NEK2: variants seen among roughly 807,000 people sequenced by gnomAD.
The protein encoded by NEK2 is serine/threonine-protein kinase Nek2.
Under a neutral mutation model 54.1 loss-of-function variants are expected in NEK2, and 28 were observed. The observed-to-expected ratio is 0.52, with a 90% CI of 0.38 to 0.71. The LOEUF (loss-of-function observed/expected upper bound fraction) is 0.71. Among genes scored for constraint, NEK2 ranks in the 30% least tolerant of loss-of-function variants. The pLI is 0.00. For missense variants in NEK2, 407 were observed against 531.5 expected (o/e 0.77, Z 2.30); for synonymous variants, 176 against 193.1 (o/e 0.91, Z 0.73).
In NEK2 at chr1:211,667,174, GCTC is replaced by G; in HGVS notation, c.1040_1042del (p.Arg347_Ala348delinsThr). 1 of 1,613,504 alleles carries G rather than the reference GCTC, an allele frequency of 6.2e-7. No individual in the cohort carries two copies. The highest frequency in any genetic ancestry group is 8.5e-7 in the Non-Finnish European group (1 of 1,179,712). On this transcript the variant is annotated inframe_deletion, in exon 7 of 8. Transcript: ENST00000366999. ...GCTGTAGTTCTTCAACAGATTTTCT[GCTC>G]TAGCCAGTTTGTCCTCTGCTAGTCT...
At chr1:211,661,074 G>C (rs1481262792), downstream of NEK2, 1 of 742,644 alleles carries the variant, frequency 1.3e-6, no homozygotes, top group African/African-American at 1.7e-5. Context: ...GTCAAACCCC[G>C]GTGATAACTT....
At position 211,663,476 on chromosome 1, in the gene NEK2, T is replaced by C. The variant is rs765172198; in HGVS notation, c.1288A>G (p.Ile430Val). ...AQLRAQALSD[I>V]EKNYQLKSRQ... ...CTTTTCAGTTGGTAATTTTTCTCAATATCTGACAGGGCTTGAGCCCGCAGC... is the reference window on the plus strand; with the variant it reads ...CTTTTCAGTTGGTAATTTTTCTCAACATCTGACAGGGCTTGAGCCCGCAGC... The change falls in exon 8 of 8, where the codon ATT (isoleucine) becomes GTT (valine). Residue 430 changes from isoleucine (I) to valine (V), a missense_variant. Physicochemically the swap from Ile to Val is conservative, Grantham distance 29 (BLOSUM62 3). Coordinates refer to ENST00000366999, the MANE Select transcript of NEK2 (RefSeq NM_002497.4). 6.2e-7 allele frequency: 1 copy of C among 1,613,930 alleles called. No homozygotes were observed.
Position 211,675,561 on chromosome 1 carries a change from G to T in NEK2, c.-82C>A. ...AGCTCCAGGGACCAGGAACTCCAGG[G>T]ACCTGGATGGAGAAGCCCCCGAGCA... On this transcript the variant is annotated 5_prime_UTR_variant, in exon 1 of 8. Coordinates refer to ENST00000366999, the MANE Select transcript of NEK2 (RefSeq NM_002497.4). 5 of 1,163,896 alleles carry T rather than the reference G, an allele frequency of 4.3e-6. No homozygotes were observed. The highest frequency in any genetic ancestry group is 6.4e-6 in the Non-Finnish European group (5 of 782,336). The allele number at this position is 1,163,896 out of a possible 1,614,324, so 72.1% of individuals were successfully genotyped here. A position where few individuals can be genotyped will look rare whatever the true frequency, so the allele number is the denominator to read the frequency against.
chr1:211,658,866 A>C (rs1278296189), downstream of NEK2, among the ~76,000 whole-genome samples: 2 of 152,148 alleles, frequency 1.3e-5, no homozygotes, highest in African/African-American at 4.8e-5. Context: ...TAACAACCTA[A>C]GATTCTTTTG....
At chr1:211,668,984 C>T (rs1044682897) in intron 6 of NEK2, 129 bp downstream of exon 6, 1 of 906,688 alleles carries the variant, frequency 1.1e-6, no homozygotes, top group Middle Eastern at 2.3e-4. Context: ...ATTTTGGTTT[C>T]TCAAGTATTT....
downstream of NEK2, among the ~76,000 whole-genome samples, chr1:211,660,030 C>T (rs147702557): frequency 3.5e-3 from 535 of 152,268 alleles, 20 homozygotes; most frequent in East Asian, 0.088. Flanking sequence ...ACTACATTGC[C>T]CAGGCTGTTA....
chr1:211,670,368 C>T lies in NEK2; in HGVS notation c.678G>A (p.Gly226=). The stretch of plus-strand genomic sequence containing the variant: ...GCCTGAATTTGCCTTCTCTGATTTT[C>T]CCAGCGAGTTCTTTCTGGCTAAAAG... The part of the protein sequence containing the change: ...FTAFSQKELA[G]KIREGKFRRI... The change falls in exon 5 of 8, where the codon GGG becomes GGA. Residue 226 remains glycine, a synonymous_variant. Transcript: ENST00000366999. The T allele has an allele frequency of 6.2e-7, 1 of 1,613,696 alleles. No homozygotes were observed. Among genetic ancestry groups the T allele is most frequent in the Non-Finnish European group, 8.5e-7 (1 of 1,179,742 alleles).
rs200328943 is a variant in NEK2, at chr1:211,675,374, C to T, written c.96+10G>A. The T allele has an allele frequency of 6.4e-5, 104 of 1,612,642 alleles. 1 individual carries two copies. Among genetic ancestry groups the T allele is most frequent in the South Asian group, 1.9e-4 (17 of 91,048 alleles). On this transcript the variant is annotated intron_variant, in intron 1 of 7. Coordinates refer to ENST00000366999, the MANE Select transcript of NEK2 (RefSeq NM_002497.4). ...AGCAGGGGCAGGCGCAGGGTAGGTC[C>T]CACGCTCACCTTGCCATCACTCTTC...
At chr1:211,671,399 G>A (rs1655387533) in intron 3 of NEK2, 115 bp from the exon 4 acceptor site, 1 of 680,434 alleles carries the variant, frequency 1.5e-6, no homozygotes, top group South Asian at 1.8e-5. Context: ...AAAGTTTTTA[G>A]CTTATACTTT....
downstream of NEK2, chr1:211,661,332 C>T (rs1655012865): frequency 4.3e-6 from 2 of 468,402 alleles, no homozygotes; most frequent in African/African-American, 2.0e-5. Context: ...TGCTGTATCT[C>T]CTGGCCTATC....
chr1:211,675,265 T>G (rs1293434863), intron 1 of NEK2, 119 bp downstream of exon 1: 1 of 856,752 alleles, frequency 1.2e-6, no homozygotes, highest in Non-Finnish European at 1.9e-6. Flanking sequence ...GGAAAGACGG[T>G]TTAGTCTTCC....
At chr1:211,659,838 A>C, downstream of NEK2, among the ~76,000 whole-genome samples, 1 of 111,370 alleles carries the variant, frequency 9.0e-6, no homozygotes, top group African/African-American at 3.5e-5. Flanking sequence ...CCTGCCCTTT[A>C]AGAGACAGGG....
In NEK2 at chr1:211,667,137, T is replaced by C. The variant is rs769459176; in HGVS notation, c.1080A>G (p.Glu360=). ...NLLKNYSLLK[E]RKFLSLASNP... ...TACTTGCCAGAGACAGGAACTTCCG[T>C]TCCTTTAGCAAGCTGTAGTTCTTCA... is the stretch of plus-strand genomic sequence containing the variant. Residue 360 remains glutamate, a synonymous_variant, in exon 7 of 8, where the codon GAA becomes GAG. Transcript: ENST00000366999. 1 of 1,613,864 alleles carries C rather than the reference T, an allele frequency of 6.2e-7. No homozygotes were observed.
chr1:211,666,423 T>C, intron 7 of NEK2: 1 of 853,596 alleles, frequency 1.2e-6, no homozygotes, highest in Non-Finnish European at 1.4e-6. Context: ...ATGGCAATAT[T>C]AAAATGTTTA....
At chr1:211,671,473 T>C (rs1165047628) in intron 3 of NEK2, among the ~76,000 whole-genome samples, 189 bp from the exon 4 acceptor site, 1 of 152,224 alleles carries the variant, frequency 6.6e-6, no homozygotes, top group African/African-American at 2.4e-5. Flanking sequence ...TCATACATAA[T>C]TCATTCACTC....
chr1:211,658,566 C>A (rs1344096193), downstream of NEK2: 4 of 419,866 alleles, frequency 9.5e-6, no homozygotes, highest in Non-Finnish European at 1.4e-5. Flanking sequence ...ATTGCTTGAG[C>A]CCATGAGTTC....
At chr1:211,669,413 A>G (rs1655292468) in intron 5 of NEK2, 81 bp from the exon 6 acceptor site, 1 of 1,292,434 alleles carries the variant, frequency 7.7e-7, no homozygotes, top group Non-Finnish European at 1.1e-6. Flanking sequence ...ATAAAAGGAC[A>G]AAAATGTGTT....
At chr1:211,669,457 G>T (rs1390280090) in intron 5 of NEK2, 125 bp from the exon 6 acceptor site, 4 of 839,612 alleles carry the variant, frequency 4.8e-6, no homozygotes, top group East Asian at 2.6e-5. Flanking sequence ...TTTATGGCTA[G>T]GTCTTAAAAA....
At chr1:211,660,712 C>T (rs999031264), downstream of NEK2, 1 of 674,984 alleles carries the variant, frequency 1.5e-6, no homozygotes, top group Non-Finnish European at 2.8e-6. Context: ...TCCACATTGC[C>T]CTGGGGGTGC....
Sources: allele counts gnomAD v4.1 joint callset (sites outside exome capture counted in the v4.1 genomes callset), GRCh38; gene constraint gnomAD v4.1.1; transcripts MANE v1.5; gene names NCBI Gene and HGNC (gene_info 2026-07-23, HGNC 2026-07-21).